Variants in SLC5A3 observed in about 807,000 individuals in gnomAD.
The protein encoded by SLC5A3 is solute carrier family 5 member 3, also known as sodium/myo-inositol cotransporter.
A neutral mutation model predicts 43.2 loss-of-function variants in SLC5A3; 10 were observed. The ratio of observed to expected loss-of-function variants is 0.23; its 90% CI spans 0.14 to 0.39. The LOEUF is 0.39. Among genes scored for constraint, SLC5A3 ranks in the 10% least tolerant of loss-of-function variants. SLC5A3 has a pLI of 1.00. For missense variants in SLC5A3, 608 were observed against 893.4 expected (o/e 0.68, Z 4.07); for synonymous variants, 349 against 322.0 (o/e 1.08, Z -0.90).
At chr21:34,081,435 G>T (rs1265669807) in intron 1 of SLC5A3, among the ~76,000 whole-genome samples, 1 of 152,146 alleles carries the variant, frequency 6.6e-6, no homozygotes, top group East Asian at 1.9e-4. Context: ...GGGTATGAAG[G>T]CTTCTGCTTT....
rs375841242 is a variant in SLC5A3, at chr21:34,094,214, C to T, written c.-336-649C>T. On this transcript the variant is annotated intron_variant, in intron 1 of 1. Coordinates refer to ENST00000381151, the MANE Select transcript of SLC5A3 (RefSeq NM_006933.7). ...ATATTTTTAGTTTTGTGTGGAATGT[C>T]GTGTTTCCCATTAGGGCAGGGGGCG... Among the ~76,000 whole-genome samples the T allele has an allele frequency of 4.6e-5, 7 of 152,218 alleles. No individual in the cohort carries two copies. The East Asian group carries it at 5.8e-4, about 13-fold the overall frequency.
intron 1 of SLC5A3, among the ~76,000 whole-genome samples, chr21:34,080,581 C>T (rs1989436186): frequency 6.6e-6 from 1 of 152,178 alleles, no homozygotes; most frequent in South Asian, 2.1e-4. Flanking sequence ...ATATCAAGGG[C>T]CTGCAACATT....
At chr21:34,076,124 T>G (rs1989324545) in intron 1 of SLC5A3, among the ~76,000 whole-genome samples, 1 of 152,198 alleles carries the variant, frequency 6.6e-6, no homozygotes, top group Non-Finnish European at 1.5e-5. Flanking sequence ...AAATGCTGTG[T>G]TAGGCAACTT....
At position 34,098,636 on chromosome 21, in the gene SLC5A3, T is replaced by A; in HGVS notation, c.*1281T>A. 1.0e-6 allele frequency: 1 copy of A among 1,000,308 alleles called. No individual in the cohort carries two copies. Among genetic ancestry groups the A allele is most frequent in the Non-Finnish European group, 1.2e-6 (1 of 830,018 alleles). The allele number at this position is 1,000,308 out of a possible 1,614,324, so 62.0% of individuals were successfully genotyped here. On this transcript the variant is annotated 3_prime_UTR_variant, in exon 2 of 2. Coordinates refer to ENST00000381151, the MANE Select transcript of SLC5A3 (RefSeq NM_006933.7). ...TAGTCTTTCTGTAGGATGGATAGCATGTTTGAGAGGTGCCAAACAAGAACT... is the reference window on the plus strand; with the variant it reads ...TAGTCTTTCTGTAGGATGGATAGCAAGTTTGAGAGGTGCCAAACAAGAACT...
chr21:34,081,590 G>T (rs541604952), intron 1 of SLC5A3, among the ~76,000 whole-genome samples: 1 of 152,312 alleles, frequency 6.6e-6, no homozygotes, highest in South Asian at 2.1e-4. Flanking sequence ...AGGCAGATGG[G>T]ACTGGGTTTT....
chr21:34,095,124 G>A lies in SLC5A3; in HGVS notation c.-75G>A. The A allele has an allele frequency of 6.5e-7, 1 of 1,536,634 alleles. No individual in the cohort carries two copies. The highest frequency in any genetic ancestry group is 8.7e-7 in the Non-Finnish European group (1 of 1,143,382). On this transcript the variant is annotated 5_prime_UTR_variant, in exon 2 of 2. Coordinates refer to ENST00000381151, the MANE Select transcript of SLC5A3 (RefSeq NM_006933.7). Reference sequence around the variant, plus strand: ...CAGTTCACGTATGGTTTACAGACTTGGCTGGGGTTACTAAAAATAAATAAA... The same window carrying A: ...CAGTTCACGTATGGTTTACAGACTTAGCTGGGGTTACTAAAAATAAATAAA...
At chr21:34,093,569 G>T (rs1978816013) in intron 1 of SLC5A3, among the ~76,000 whole-genome samples, 1 of 151,790 alleles carries the variant, frequency 6.6e-6, no homozygotes, top group African/African-American at 2.4e-5. Context: ...GACTTAAAAG[G>T]AAAATGCCTA....
Position 34,103,789 on chromosome 21 carries a change from C to T in SLC5A3, c.*6434C>T, listed in dbSNP as rs1255578876. 2.7e-5 allele frequency: 27 copies of T among 999,866 alleles called. No homozygotes were observed. The highest frequency in any genetic ancestry group is 3.1e-5 in the Non-Finnish European group (26 of 829,870). The allele number at this position is 999,866 out of a possible 1,614,324, so 61.9% of individuals were successfully genotyped here. ...GAATAATCTCAATAAGTTTGTACCA[C>T]ATTGATGGAGGGAGAGAATATAAAT... is the stretch of plus-strand genomic sequence containing the variant. On this transcript the variant is annotated 3_prime_UTR_variant, in exon 2 of 2. Coordinates refer to ENST00000381151, the MANE Select transcript of SLC5A3 (RefSeq NM_006933.7).
In SLC5A3 at chr21:34,096,377, T is replaced by C. The variant is rs1978964942; in HGVS notation, c.1179T>C (p.Asp393=). 1.9e-6 allele frequency: 3 copies of C among 1,614,184 alleles called. No homozygotes were observed. Among genetic ancestry groups the C allele is most frequent in the African/African-American group, 1.3e-5 (1 of 75,054 alleles). The change falls in exon 2 of 2, where the codon GAT becomes GAC. Residue 393 remains aspartate (D), a synonymous_variant. Transcript: ENST00000381151. This position sits in a 1 kb window ranked among gnomAD's most constrained non-coding sequence, Gnocchi z 5.9. ...FNSASTIFTL[D]VYKLIRKSAS... ...GTGCCAGTACCATATTCACCCTCGA[T>C]GTGTACAAACTTATCCGCAAGAGCG...
In SLC5A3 at chr21:34,095,028, A is replaced by T; in HGVS notation, c.-171A>T. 1 of 772,008 alleles carries T rather than the reference A, an allele frequency of 1.3e-6. No homozygotes were observed. Among genetic ancestry groups the T allele is most frequent in the Non-Finnish European group, 1.9e-6 (1 of 514,228 alleles). The allele number at this position is 772,008 out of a possible 1,614,324, so 47.8% of individuals were successfully genotyped here. ...TAAACTGTCTTCTTCAAAGTTTATCACAACCACCACCATCAAGACAGCAAA... is the reference window on the plus strand; with the variant it reads ...TAAACTGTCTTCTTCAAAGTTTATCTCAACCACCACCATCAAGACAGCAAA... On this transcript the variant is annotated 5_prime_UTR_variant, in exon 2 of 2. Coordinates refer to ENST00000381151, the MANE Select transcript of SLC5A3 (RefSeq NM_006933.7).
intron 1 of SLC5A3, among the ~76,000 whole-genome samples, chr21:34,089,939 T>C (rs746396028): frequency 3.3e-4 from 50 of 152,252 alleles, no homozygotes; most frequent in Non-Finnish European, 5.9e-5. Flanking sequence ...ATCCCGTATC[T>C]TAAATGCTTG....
In SLC5A3 at chr21:34,102,745, T is replaced by C. The variant is rs956533907; in HGVS notation, c.*5390T>C. ...CACAGTGGTCTCAGATTTTTCGTAG[T>C]GTGGGAACAGTGGTTTTGCTCTATA... On this transcript the variant is annotated 3_prime_UTR_variant, in exon 2 of 2. Transcript: ENST00000381151. 2 of 1,000,060 alleles carry C rather than the reference T, an allele frequency of 2.0e-6. No homozygotes were observed. The highest frequency in any genetic ancestry group is 2.4e-6 in the Non-Finnish European group (2 of 829,928). The allele number at this position is 1,000,060 out of a possible 1,614,324, so 61.9% of individuals were successfully genotyped here.
At chr21:34,087,400 C>T (rs1293137411) in intron 1 of SLC5A3, among the ~76,000 whole-genome samples, 1 of 152,150 alleles carries the variant, frequency 6.6e-6, no homozygotes, top group African/African-American at 2.4e-5. Context: ...ATTTAACAAA[C>T]ATTTGAGCAC....
Position 34,095,109 on chromosome 21 carries a change from A to G in SLC5A3, c.-90A>G, listed in dbSNP as rs951365831. On this transcript the variant is annotated 5_prime_UTR_variant, in exon 2 of 2. An upstream start codon of the reference 5' UTR is lost. Coordinates refer to ENST00000381151, the MANE Select transcript of SLC5A3 (RefSeq NM_006933.7). ...TTGCTCTGTGTAGTCCAGTTCACGT[A>G]TGGTTTACAGACTTGGCTGGGGTTA... The G allele has an allele frequency of 2.3e-4, 355 of 1,516,762 alleles. No homozygotes were observed. The highest frequency in any genetic ancestry group is 3.0e-4 in the Non-Finnish European group (335 of 1,131,562). The allele number at this position is 1,516,762 out of a possible 1,614,324, so 94.0% of individuals were successfully genotyped here. A position where few individuals can be genotyped will look rare whatever the true frequency, so the allele number is the denominator to read the frequency against.
chr21:34,098,058 G>A lies in SLC5A3; in HGVS notation c.*703G>A, dbSNP rs1979056090. ...ACTGAAATGACCAACAAGTCTGCCTGTAAAGTTACATGTCATGATTGTGTT... is the reference window on the plus strand; with the variant it reads ...ACTGAAATGACCAACAAGTCTGCCTATAAAGTTACATGTCATGATTGTGTT... On this transcript the variant is annotated 3_prime_UTR_variant, in exon 2 of 2. Transcript: ENST00000381151. 2 of 999,202 alleles carry A rather than the reference G, an allele frequency of 2.0e-6. No homozygotes were observed. Among genetic ancestry groups the A allele is most frequent in the Non-Finnish European group, 2.4e-6 (2 of 829,602 alleles). 61.9% of individuals were successfully genotyped at this position (999,202 alleles called of 1,614,324 possible).
chr21:34,102,917 C>A lies in SLC5A3; in HGVS notation c.*5562C>A. ...AACCGCACAAGTTGGCAGTAGGTAT[C>A]CCCAACCTAATTTATCTTGGTAAAT... On this transcript the variant is annotated 3_prime_UTR_variant, in exon 2 of 2. Coordinates refer to ENST00000381151, the MANE Select transcript of SLC5A3 (RefSeq NM_006933.7). The A allele has an allele frequency of 2.0e-6, 2 of 999,552 alleles. No homozygotes were observed. The highest frequency in any genetic ancestry group is 4.7e-5 in the South Asian group (1 of 21,282). The allele number at this position is 999,552 out of a possible 1,614,324, so 61.9% of individuals were successfully genotyped here.
chr21:34,102,704 G>A lies in SLC5A3; in HGVS notation c.*5349G>A. On this transcript the variant is annotated 3_prime_UTR_variant, in exon 2 of 2. Coordinates refer to ENST00000381151, the MANE Select transcript of SLC5A3 (RefSeq NM_006933.7). Reference sequence around the variant, plus strand: ...AATAAAGTAAGCAGCTGAAGAGCGAGCAAATCAAGACAAAACACAGTGGTC... The same window carrying A: ...AATAAAGTAAGCAGCTGAAGAGCGAACAAATCAAGACAAAACACAGTGGTC... The A allele has an allele frequency of 3.0e-6, 3 of 1,000,160 alleles. No homozygotes were observed. Among genetic ancestry groups the A allele is most frequent in the Non-Finnish European group, 3.6e-6 (3 of 829,906 alleles). 62.0% of individuals were successfully genotyped at this position (1,000,160 alleles called of 1,614,324 possible).
intron 1 of SLC5A3, among the ~76,000 whole-genome samples, chr21:34,093,110 G>A (rs905917240): frequency 9.2e-5 from 14 of 151,952 alleles, no homozygotes; most frequent in African/African-American, 2.9e-4. Flanking sequence ...TAGATGATTC[G>A]TCCTACATAA....
At chr21:34,088,117 C>A (rs1978489267) in intron 1 of SLC5A3, among the ~76,000 whole-genome samples, 1 of 152,190 alleles carries the variant, frequency 6.6e-6, no homozygotes, top group Non-Finnish European at 1.5e-5. Context: ...ACTGTGAGAA[C>A]CCTTGCATTT....
Sources: gnomAD v4.1 joint callset for allele counts (sites outside exome capture counted in the v4.1 genomes callset) on GRCh38, gnomAD v4.1.1 for gene constraint, Gnocchi (gnomAD v3.1) non-coding constraint, MANE v1.5 for transcripts, NCBI Gene and HGNC (gene_info 2026-07-23, HGNC 2026-07-21) for gene names.